ATG7: variants seen among roughly 807,000 people sequenced by gnomAD.
The protein encoded by ATG7 is ubiquitin-like modifier-activating enzyme ATG7.
ATG7 carries 70 observed loss-of-function variants against 82.4 expected under a neutral mutation model. The ratio of observed to expected loss-of-function variants is 0.85; its 90% confidence interval spans 0.70 to 1.04. ATG7 has a LOEUF of 1.04. ATG7 is among the 50% of genes least tolerant of loss of function. ATG7 has a pLI of 0.00. For synonymous variants in ATG7, 287 were observed against 313.0 expected, an observed-to-expected ratio of 0.92 and a Z score of 0.88; for missense variants, 792 against 864.3, an observed-to-expected ratio of 0.92 and a Z score of 1.05.
intron 19 of ATG7, among the ~76,000 whole-genome samples, chr3:11,401,177 T>G (rs1463980337): frequency 1.3e-5 from 2 of 152,244 alleles, no homozygotes; most frequent in Non-Finnish European, 2.9e-5. Flanking sequence ...TGGGCCCAGC[T>G]ACTTCTGTTT....
chr3:11,457,806 C>G (rs564041906), intron 20 of ATG7, among the ~76,000 whole-genome samples: 12 of 152,228 alleles, frequency 7.9e-5, no homozygotes, highest in South Asian at 6.2e-4. Context: ...ACCTAAGAGA[C>G]TGTGCAGTGG....
intron 20 of ATG7, among the ~76,000 whole-genome samples, chr3:11,512,292 T>A (rs1163807030): frequency 6.6e-6 from 1 of 152,180 alleles, no homozygotes; most frequent in Non-Finnish European, 1.5e-5. Flanking sequence ...CTGAACCAAG[T>A]ACTGGAAGTA....
At chr3:11,304,973 A>G (rs989091527) in intron 5 of ATG7, among the ~76,000 whole-genome samples, 87 of 152,248 alleles carry the variant, frequency 5.7e-4, no homozygotes, top group South Asian at 1.2e-3. Flanking sequence ...CCATCTCCCA[A>G]AAAAGACACC....
chr3:11,363,256 T>C (rs1255353804), intron 17 of ATG7, among the ~76,000 whole-genome samples: 1 of 151,832 alleles, frequency 6.6e-6, no homozygotes, highest in Non-Finnish European at 1.5e-5. Flanking sequence ...TTTTTTTTTT[T>C]AACGAGACGG....
rs563608972 is a variant in ATG7 at position 11,375,464 on chromosome 3, A to G, written c.1876-4508A>G. Among the ~76,000 whole-genome samples, 4 of 152,368 alleles carry G rather than the reference A, an allele frequency of 2.6e-5. No individual in the cohort carries two copies. In the East Asian group the frequency reaches 7.7e-4, roughly 29 times the overall value. ...CACAACCATAGTTAGATACCATTTC[A>G]TACTCACTAGGATGGCTATAATCTA... is the stretch of plus-strand genomic sequence containing the variant. On this transcript the variant is annotated intron_variant, in intron 18 of 20. Transcript: ENST00000693202.
rs755468984 is a variant in ATG7, at chr3:11,306,963, G to T, written c.236G>T (p.Arg79Leu). Reference sequence around the variant, plus strand: ...TCTAGGAGTGCTCCCACCCCAGCCCGTTGCTGCCCAGCTATTGGAACACTG... The same window carrying T: ...TCTAGGAGTGCTCCCACCCCAGCCCTTTGCTGCCCAGCTATTGGAACACTG... ...AFDMSAPTPA[R>L]CCPAIGTLYN... Residue 79 changes from arginine (R) to leucine (L), a missense_variant, in exon 6 of 21, where the codon CGT (arginine) becomes CTT (leucine). Physicochemically the swap from Arg to Leu is moderately radical, Grantham distance 102 (BLOSUM62 -2). Transcript: ENST00000693202. 1 of 1,613,908 alleles carries T rather than the reference G, an allele frequency of 6.2e-7. No homozygotes were observed. Among genetic ancestry groups the T allele is most frequent in the African/African-American group, 1.3e-5 (1 of 74,992 alleles).
At chr3:11,368,229 TAAAAA>T (rs760208581) in intron 18 of ATG7, among the ~76,000 whole-genome samples, 1 of 109,340 alleles carries the variant, frequency 9.1e-6, no homozygotes, top group Non-Finnish European at 1.9e-5. Flanking sequence ...TTCTTTTACT[TAAAAA>T]AAAAAAAAAA....
rs111968075 is a variant in ATG7 at position 11,526,689 on chromosome 3, A to G, written c.2080-28122A>G. 2.0e-3 allele frequency among the ~76,000 whole-genome samples: 301 copies of G among 152,334 alleles called. 2 individuals carry two copies. The highest frequency in any genetic ancestry group is 6.4e-3 in the African/African-American group (266 of 41,584). On this transcript the variant is annotated intron_variant, in intron 20 of 20. Transcript: ENST00000693202. ...ACAGTGGTATCTTTTGCAAATAACA[A>G]TAGTTTATACTCTTGTTGTCTGTGT...
chr3:11,520,657 T>C (rs539451831), intron 20 of ATG7, among the ~76,000 whole-genome samples: 1 of 152,334 alleles, frequency 6.6e-6, no homozygotes, highest in Admixed American at 6.5e-5. Context: ...TCTACACTTC[T>C]GAGCTCGCCC....
At chr3:11,384,685 C>A (rs548537176) in intron 19 of ATG7, among the ~76,000 whole-genome samples, 2 of 152,288 alleles carry the variant, frequency 1.3e-5, no homozygotes, top group African/African-American at 4.8e-5. Context: ...AAAGGCTAGG[C>A]ATGGTGGCTC....
chr3:11,307,128 C>T, intron 6 of ATG7, 68 bp downstream of exon 6: 2 of 1,413,638 alleles, frequency 1.4e-6, no homozygotes, highest in South Asian at 2.4e-5. Context: ...TGTTTGTGAT[C>T]AGGCACATGG....
At chr3:11,573,902 T>A in the ATG7 span, among the ~76,000 whole-genome samples, 1 of 152,152 alleles carries the variant, frequency 6.6e-6, no homozygotes, top group African/African-American at 2.4e-5. Flanking sequence ...TCTAATCCAA[T>A]GTGACTGGTG....
chr3:11,492,548 T>A (rs974088171), intron 20 of ATG7, among the ~76,000 whole-genome samples: 1 of 152,162 alleles, frequency 6.6e-6, no homozygotes, highest in Non-Finnish European at 1.5e-5. Context: ...GTTCCCTGTT[T>A]ACTCAGTCCG....
intron 20 of ATG7, among the ~76,000 whole-genome samples, chr3:11,545,025 G>A (rs959410739): frequency 1.3e-4 from 20 of 152,210 alleles, no homozygotes; most frequent in African/African-American, 3.4e-4. Context: ...CAGACCCAGC[G>A]GAGCCAGCTG....
rs142556510 is a variant in ATG7, at chr3:11,355,605, G to A, written c.1285-2813G>A. Among the ~76,000 whole-genome samples the A allele has an allele frequency of 3.0e-4, 45 of 152,148 alleles. 1 individual carries two copies. The highest frequency in any genetic ancestry group is 1.1e-3 in the African/African-American group (44 of 41,510). Reference sequence around the variant, plus strand: ...AGATCTATGAATGGCCATTGAACACGTGAAAATGCTCAACGTCAATAGTCA... The same window carrying A: ...AGATCTATGAATGGCCATTGAACACATGAAAATGCTCAACGTCAATAGTCA... On this transcript the variant is annotated intron_variant, in intron 14 of 20. Coordinates refer to ENST00000693202, the MANE Select transcript of ATG7 (RefSeq NM_001349232.2).
Position 11,404,103 on chromosome 3 carries a change from G to A in ATG7, c.1957-22701G>A, listed in dbSNP as rs1035142595. 2.2e-4 allele frequency among the ~76,000 whole-genome samples: 30 copies of A among 136,830 alleles called. 1 individual carries two copies. The highest frequency in any genetic ancestry group is 4.8e-4 in the South Asian group (2 of 4,142). The allele number at this position is 136,830 out of a possible 152,430, so 89.8% of individuals were successfully genotyped here. A position where few individuals can be genotyped will look rare whatever the true frequency, so the allele number is the denominator to read the frequency against. On this transcript the variant is annotated intron_variant, in intron 19 of 20. Coordinates refer to ENST00000693202, the MANE Select transcript of ATG7 (RefSeq NM_001349232.2). ...ATTTAAACATTTTGATTTTTATAAT[G>A]TCCTGCTTATTAACCAGCTCAATTT...
chr3:11,418,962 G>GCCCCC (rs1365992109), intron 19 of ATG7, among the ~76,000 whole-genome samples: 1 of 151,724 alleles, frequency 6.6e-6, no homozygotes, highest in African/African-American at 2.4e-5. Context: ...ATGGGAAACT[G>GCCCCC]CCCCTCCCCC....
rs768645298 is a variant in ATG7 at position 11,313,395 on chromosome 3, T to C, written c.503T>C (p.Leu168Ser). 7 of 1,612,122 alleles carry C rather than the reference T, an allele frequency of 4.3e-6. No individual in the cohort carries two copies. The highest frequency in any genetic ancestry group is 5.9e-6 in the Non-Finnish European group (7 of 1,178,894). Residue 168 changes from leucine to serine, a missense_variant, in exon 8 of 21, where the codon TTG becomes TCG. Leu to Ser is a moderately radical substitution (Grantham distance 145). Transcript: ENST00000693202. ...CCTCTCATTCAGGGGCCAGTGGGTTTGGATCAAAGGTTTTCACTAAAACAG... is the reference window on the plus strand; with the variant it reads ...CCTCTCATTCAGGGGCCAGTGGGTTCGGATCAAAGGTTTTCACTAAAACAG... ...SLPLIQGPVG[L>S]DQRFSLKQIE...
intron 20 of ATG7, among the ~76,000 whole-genome samples, chr3:11,546,065 G>A (rs2071258925): frequency 1.1e-5 from 1 of 91,798 alleles, no homozygotes; most frequent in Non-Finnish European, 2.2e-5. Context: ...TTGAGCCTGG[G>A]AGGTCAAGGC....
Sources: gnomAD v4.1 joint callset for allele counts (sites outside exome capture counted in the v4.1 genomes callset) on GRCh38, gnomAD v4.1.1 for gene constraint, MANE v1.5 for transcripts, NCBI Gene and HGNC (gene_info 2026-07-23, HGNC 2026-07-21) for gene names.